Variants in PDE4D observed in about 807,000 individuals in gnomAD.
PDE4D encodes the protein 3',5'-cyclic-AMP phosphodiesterase 4D.
A neutral mutation model predicts 87.4 loss-of-function variants in PDE4D; 24 were observed. The ratio of observed to expected loss-of-function variants is 0.27; its 90% CI spans 0.20 to 0.39. The LOEUF (loss-of-function observed/expected upper bound fraction) is 0.39. Ranked by LOEUF, PDE4D falls within the 10% of genes least tolerant of loss-of-function variation. PDE4D has a pLI of 1.00. For missense variants in PDE4D, 714 were observed against 1,041.0 expected, an observed-to-expected ratio of 0.69 and a Z score of 4.32; for synonymous variants, 384 against 383.2, an observed-to-expected ratio of 1.00 and a Z score of -0.02.
intron 1 of PDE4D, among the ~76,000 whole-genome samples, chr5:59,892,392 C>G (rs548594233): frequency 6.6e-6 from 1 of 152,300 alleles, no homozygotes; most frequent in South Asian, 2.1e-4. Flanking sequence ...AAGGCGCTTT[C>G]TTCCTGGGAT....
chr5:59,187,520 A>T (rs1428063300), intron 3 of PDE4D, among the ~76,000 whole-genome samples: 1 of 152,198 alleles, frequency 6.6e-6, no homozygotes, highest in African/African-American at 2.4e-5. Flanking sequence ...TCATTTTAGT[A>T]TTATTCTTTA....
chr5:59,016,783 C>T (rs534736737), intron 6 of PDE4D, among the ~76,000 whole-genome samples: 1 of 152,142 alleles, frequency 6.6e-6, no homozygotes, highest in South Asian at 2.1e-4. Flanking sequence ...CACTCATGCA[C>T]TCAACAAACA....
chr5:59,565,392 A>G (rs116431743), intron 1 of PDE4D, among the ~76,000 whole-genome samples: 2,648 of 152,244 alleles, frequency 0.017, 87 homozygotes, highest in African/African-American at 0.06. Context: ...GTTGGTTTGC[A>G]CCTGTAGTCC....
intron 1 of PDE4D, among the ~76,000 whole-genome samples, chr5:60,361,288 T>G (rs1760038878): frequency 1.3e-5 from 2 of 152,226 alleles, no homozygotes; most frequent in Non-Finnish European, 2.9e-5. Flanking sequence ...GAATTTAGTT[T>G]GTAATATTAT....
At chr5:60,401,774 C>T (rs1261379507) in intron 1 of PDE4D, among the ~76,000 whole-genome samples, 1 of 152,212 alleles carries the variant, frequency 6.6e-6, no homozygotes, top group Admixed American at 6.5e-5. Flanking sequence ...CTACTTATTA[C>T]AGAACATTGA....
chr5:60,146,145 C>T (rs575791264), intron 2 of PDE4D, among the ~76,000 whole-genome samples: 22 of 152,256 alleles, frequency 1.4e-4, no homozygotes, highest in African/African-American at 4.3e-4. Context: ...GCCTGAGAGG[C>T]GGAGGTTGCA....
intron 1 of PDE4D, among the ~76,000 whole-genome samples, chr5:59,804,015 C>T (rs1767456251): frequency 6.6e-6 from 1 of 151,680 alleles, no homozygotes; most frequent in Admixed American, 6.6e-5. Flanking sequence ...CTTTTTAATC[C>T]CTAACTTTTA....
chr5:59,297,070 T>C (rs909155743), intron 1 of PDE4D, among the ~76,000 whole-genome samples: 1 of 152,196 alleles, frequency 6.6e-6, no homozygotes, highest in African/African-American at 2.4e-5. Flanking sequence ...GGAGGAGAGA[T>C]AAGTGTCTTA....
chr5:59,437,026 G>A (rs753938295), intron 1 of PDE4D, among the ~76,000 whole-genome samples: 4 of 152,072 alleles, frequency 2.6e-5, no homozygotes, highest in Admixed American at 6.6e-5. Flanking sequence ...AAATTATGCT[G>A]GTTTCAATTC....
intron 1 of PDE4D, among the ~76,000 whole-genome samples, chr5:60,520,605 G>A (rs1435023307): frequency 6.6e-6 from 1 of 152,126 alleles, no homozygotes; most frequent in African/African-American, 2.4e-5. Context: ...ATGGCTTGTG[G>A]CCCCGGGCCA....
chr5:59,400,460 A>T (rs1278237231), intron 1 of PDE4D, among the ~76,000 whole-genome samples: 2 of 147,710 alleles, frequency 1.4e-5, no homozygotes, highest in Non-Finnish European at 1.5e-5. Flanking sequence ...GGAAATCATC[A>T]TTCTCAGTAA....
At chr5:60,175,843 T>G (rs1317375360) in intron 2 of PDE4D, among the ~76,000 whole-genome samples, 2 of 152,116 alleles carry the variant, frequency 1.3e-5, no homozygotes, top group Non-Finnish European at 2.9e-5. Flanking sequence ...CTTTCTCCAA[T>G]TGTTGTGCAA....
intron 2 of PDE4D, among the ~76,000 whole-genome samples, chr5:60,112,528 A>G (rs1372864120): frequency 6.6e-6 from 1 of 152,110 alleles, no homozygotes; most frequent in Non-Finnish European, 1.5e-5. Flanking sequence ...CACAACTTGA[A>G]TGACTTATTT....
chr5:59,233,215 T>A (rs1328178372), intron 1 of PDE4D, among the ~76,000 whole-genome samples: 1 of 152,182 alleles, frequency 6.6e-6, no homozygotes, highest in Non-Finnish European at 1.5e-5. Flanking sequence ...CCCAAGGTGC[T>A]GGATACCCTA....
intron 1 of PDE4D, among the ~76,000 whole-genome samples, chr5:59,641,210 T>G (rs574079358): frequency 6.6e-6 from 1 of 152,304 alleles, no homozygotes; most frequent in South Asian, 2.1e-4. Flanking sequence ...TACTTTTGGC[T>G]GAAAGCTATT....
At chr5:60,508,752 C>A (rs1750429824) in intron 1 of PDE4D, among the ~76,000 whole-genome samples, 1 of 152,072 alleles carries the variant, frequency 6.6e-6, no homozygotes, top group South Asian at 2.1e-4. Flanking sequence ...TTGTGTGTTT[C>A]TATTTAAAGA....
chr5:59,922,986 G>A (rs1420695519), intron 3 of PDE4D, among the ~76,000 whole-genome samples: 1 of 152,084 alleles, frequency 6.6e-6, no homozygotes, highest in Non-Finnish European at 1.5e-5. Flanking sequence ...CTGCTCTGAA[G>A]GGAGAATCTC....
intron 5 of PDE4D, among the ~76,000 whole-genome samples, chr5:59,142,885 C>T (rs1231405543): frequency 6.6e-6 from 1 of 152,062 alleles, no homozygotes; most frequent in Admixed American, 6.5e-5. Flanking sequence ...CCACTGCACT[C>T]CAGCCTGGGT....
intron 1 of PDE4D, among the ~76,000 whole-genome samples, chr5:59,219,148 T>A (rs13179144): frequency 6.7e-6 from 1 of 149,778 alleles, no homozygotes; most frequent in African/African-American, 2.5e-5. Flanking sequence ...TACATATGTA[T>A]CTAACCTGCA....
Sources: allele counts gnomAD v4.1 joint callset (sites outside exome capture counted in the v4.1 genomes callset), GRCh38; gene constraint gnomAD v4.1.1; transcripts MANE v1.5; gene names NCBI Gene and HGNC (gene_info 2026-07-23, HGNC 2026-07-21).